The following PTGER3 variants were observed in gnomAD, a reference collection of about 807,000 sequenced individuals.
The protein encoded by PTGER3 is prostaglandin E receptor 3.
Under a neutral mutation model 34.7 loss-of-function variants are expected in PTGER3, and 22 were observed. The ratio of observed to expected loss-of-function variants is 0.63; its 90% CI spans 0.45 to 0.91. PTGER3 has a LOEUF of 0.91. Ranked by LOEUF, PTGER3 falls within the 40% of genes least tolerant of loss-of-function variation. The pLI, the probability that PTGER3 is intolerant of heterozygous loss-of-function variation, is 0.00. For missense variants in PTGER3, 468 were observed against 519.4 expected (o/e 0.90, Z 0.96); for synonymous variants, 241 against 230.1 (o/e 1.05, Z -0.43).
chr1:70,940,799 A>G (rs1649687213), intron 4 of PTGER3, among the ~76,000 whole-genome samples: 1 of 152,164 alleles, frequency 6.6e-6, no homozygotes, highest in Non-Finnish European at 1.5e-5. Flanking sequence ...GACACAGACA[A>G]ACCATATCAC....
At chr1:70,945,809 A>T (rs1255780666) in intron 4 of PTGER3, among the ~76,000 whole-genome samples, 2 of 152,106 alleles carry the variant, frequency 1.3e-5, no homozygotes, top group African/African-American at 4.8e-5. Flanking sequence ...GGCATTACTG[A>T]TGTGCATAAA....
chr1:70,856,226 A>T (rs1217599314), intron 4 of PTGER3, among the ~76,000 whole-genome samples: 2 of 152,146 alleles, frequency 1.3e-5, no homozygotes, highest in Non-Finnish European at 2.9e-5. Flanking sequence ...TTTATGACCT[A>T]GCCAAGATAA....
rs374944933 is a variant in PTGER3 at position 71,014,146 on chromosome 1, C to T, written c.898-1662G>A. ...ATATGTGGCTTGTGGTTTTTTTTTG[C>T]TCACAGTACATTTCTATTGAACCTA... On this transcript the variant is annotated intron_variant, in intron 1 of 3. Coordinates refer to ENST00000306666, the MANE Select transcript of PTGER3 (RefSeq NM_198719.2). Among the ~76,000 whole-genome samples the T allele has an allele frequency of 3.6e-4, 55 of 151,338 alleles. No homozygotes were observed. The Middle Eastern group carries it at 0.01, about 28-fold the overall frequency.
At chr1:71,037,008 CA>C (rs1414922613) in intron 1 of PTGER3, among the ~76,000 whole-genome samples, 1 of 151,878 alleles carries the variant, frequency 6.6e-6, no homozygotes, top group African/African-American at 2.4e-5. Context: ...CGGAGAATTG[CA>C]GCTGAGCATT....
At chr1:71,019,104 T>A (rs1658174897) in intron 1 of PTGER3, among the ~76,000 whole-genome samples, 2 of 152,212 alleles carry the variant, frequency 1.3e-5, no homozygotes, top group Non-Finnish European at 2.9e-5. Context: ...AATTATAATT[T>A]CTGTGTATGT....
chr1:71,011,972 T>C (rs1572926987), intron 2 of PTGER3: 1 of 1,332,364 alleles, frequency 7.5e-7, no homozygotes, highest in Non-Finnish European at 9.6e-7. Flanking sequence ...ATTAATCACA[T>C]ATTCAGCTAC....
At chr1:70,860,061 G>A (rs1645894822) in intron 4 of PTGER3, among the ~76,000 whole-genome samples, 1 of 151,894 alleles carries the variant, frequency 6.6e-6, no homozygotes, top group African/African-American at 2.4e-5. Flanking sequence ...GGGGGGGAGT[G>A]GGCGCTGGAT....
intron 4 of PTGER3, among the ~76,000 whole-genome samples, chr1:70,863,292 T>C (rs6685546): frequency 0.11 from 16,642 of 152,136 alleles, 1,274 homozygotes; most frequent in Non-Finnish European, 0.16. Flanking sequence ...AATAGCAAAG[T>C]GTGATATCAC....
intron 4 of PTGER3, among the ~76,000 whole-genome samples, chr1:70,923,371 A>G (rs1439688578): frequency 6.6e-6 from 1 of 152,198 alleles, no homozygotes; most frequent in Admixed American, 6.6e-5. Context: ...TTCCATATCA[A>G]TTGTGGCCTT....
chr1:71,030,420 G>A (rs1659307445), intron 1 of PTGER3, among the ~76,000 whole-genome samples: 1 of 152,226 alleles, frequency 6.6e-6, no homozygotes, highest in Non-Finnish European at 1.5e-5. Flanking sequence ...AATTTTGACT[G>A]TAGTCAAACA....
At chr1:70,928,994 T>G (rs562747645) in intron 4 of PTGER3, among the ~76,000 whole-genome samples, 1 of 152,190 alleles carries the variant, frequency 6.6e-6, no homozygotes, top group East Asian at 1.9e-4. Context: ...AAATTTCTGC[T>G]TGTTATTTTG....
At chr1:71,045,362 C>T (rs548119274) in intron 1 of PTGER3, among the ~76,000 whole-genome samples, 85 of 152,116 alleles carry the variant, frequency 5.6e-4, no homozygotes, top group African/African-American at 1.9e-3. Context: ...ATATATTTTA[C>T]CATAATTAGG....
chr1:71,017,075 T>C (rs1311522423), intron 1 of PTGER3, among the ~76,000 whole-genome samples: 1 of 152,096 alleles, frequency 6.6e-6, no homozygotes, highest in East Asian at 1.9e-4. Flanking sequence ...CCCTGGAATC[T>C]GTGAATACGT....
At chr1:70,974,902 T>C (rs927559412) in intron 2 of PTGER3, among the ~76,000 whole-genome samples, 1 of 152,180 alleles carries the variant, frequency 6.6e-6, no homozygotes, top group African/African-American at 2.4e-5. Flanking sequence ...TCCTTCTTCA[T>C]ACCTCAGGGC....
At chr1:71,045,441 T>C (rs1660680742) in intron 1 of PTGER3, among the ~76,000 whole-genome samples, 1 of 152,216 alleles carries the variant, frequency 6.6e-6, no homozygotes, top group South Asian at 2.1e-4. Context: ...TAGTTGGTTA[T>C]ACCTTTGTAA....
At chr1:71,012,185 G>A (rs1049527283) in intron 2 of PTGER3, 120 bp downstream of exon 2, 1 of 1,592,034 alleles carries the variant, frequency 6.3e-7, no homozygotes, top group Non-Finnish European at 8.5e-7. Flanking sequence ...GTTACCAAAA[G>A]CTGTGCACAT....
intron 4 of PTGER3, among the ~76,000 whole-genome samples, chr1:70,861,215 A>G (rs1428802541): frequency 2.0e-5 from 3 of 152,246 alleles, no homozygotes; most frequent in Non-Finnish European, 4.4e-5. Flanking sequence ...ATACTTATGC[A>G]AAAGCCTCAG....
chr1:70,908,228 G>A (rs763140736), intron 4 of PTGER3, among the ~76,000 whole-genome samples: 2 of 152,164 alleles, frequency 1.3e-5, no homozygotes, highest in African/African-American at 2.4e-5. Flanking sequence ...AATTCCCAGC[G>A]TATCATGACA....
At chr1:70,961,970 CCTT>C (rs1262552632) in intron 2 of PTGER3, among the ~76,000 whole-genome samples, 2 of 152,256 alleles carry the variant, frequency 1.3e-5, no homozygotes, top group Non-Finnish European at 2.9e-5. Flanking sequence ...TTTCTTTGGA[CCTT>C]CTTTGCCTTT....
Sources: allele counts gnomAD v4.1 joint callset (sites outside exome capture counted in the v4.1 genomes callset), GRCh38; gene constraint gnomAD v4.1.1; transcripts MANE v1.5; gene names NCBI Gene and HGNC (gene_info 2026-07-23, HGNC 2026-07-21).